PPP1R12A: variants seen among roughly 807,000 people sequenced by gnomAD.
The protein encoded by PPP1R12A is myosin binding subunit.
A neutral mutation model predicts 139.6 loss-of-function variants in PPP1R12A; 19 were observed. The observed-to-expected ratio is 0.14, with a 90% CI of 0.09 to 0.20. The LOEUF is 0.20. PPP1R12A is among the 10% of genes least tolerant of loss of function. PPP1R12A has a pLI of 1.00. For missense variants in PPP1R12A, 925 were observed against 1,211.5 expected (o/e 0.76, Z 3.51); for synonymous variants, 427 against 420.6 (o/e 1.02, Z -0.19).
intron 2 of PPP1R12A, among the ~76,000 whole-genome samples, chr12:79,846,680 C>T (rs1354415266): frequency 3.3e-5 from 5 of 151,164 alleles, no homozygotes; most frequent in African/African-American, 1.2e-4. Context: ...CCGCCTGCCT[C>T]GGCCTCCCAA....
chr12:79,806,473 A>C (rs1216158011), intron 12 of PPP1R12A, 140 bp from the exon 13 acceptor site: 1 of 711,900 alleles, frequency 1.4e-6, no homozygotes, highest in Non-Finnish European at 2.2e-6. Flanking sequence ...TCCAGCACCA[A>C]GAGTTGCATC....
chr12:79,847,113 T>C (rs1018181019), intron 2 of PPP1R12A, among the ~76,000 whole-genome samples: 3 of 152,174 alleles, frequency 2.0e-5, no homozygotes, highest in Non-Finnish European at 2.9e-5. Context: ...CCCCCAGAGA[T>C]AAACACTATC....
intron 2 of PPP1R12A, among the ~76,000 whole-genome samples, chr12:79,855,930 AAAAC>A (rs1417719318): frequency 7.2e-5 from 11 of 152,178 alleles, no homozygotes; most frequent in African/African-American, 2.2e-4. Context: ...AGTAAAAAAA[AAAAC>A]ACAGTAAGCA....
chr12:79,814,968 T>C (rs1875156138), intron 9 of PPP1R12A, among the ~76,000 whole-genome samples: 1 of 151,990 alleles, frequency 6.6e-6, no homozygotes. Context: ...TTTCTAAATA[T>C]GCAAATTTAG....
At chr12:79,837,491 A>C (rs988858513) in intron 3 of PPP1R12A, among the ~76,000 whole-genome samples, 1 of 152,178 alleles carries the variant, frequency 6.6e-6, no homozygotes, top group African/African-American at 2.4e-5. Context: ...AAAAATATTA[A>C]ACAATAATTT....
At chr12:79,829,085 G>A (rs1877116479) in intron 4 of PPP1R12A, among the ~76,000 whole-genome samples, 1 of 152,078 alleles carries the variant, frequency 6.6e-6, no homozygotes, top group Non-Finnish European at 1.5e-5. Flanking sequence ...TCATCAACAA[G>A]CTAAAACAGA....
chr12:79,793,105 C>A (rs182220307), intron 19 of PPP1R12A, among the ~76,000 whole-genome samples: 1 of 152,072 alleles, frequency 6.6e-6, no homozygotes, highest in Non-Finnish European at 1.5e-5. Context: ...ATTAATATGA[C>A]CAGAATGCTA....
At chr12:79,815,528 A>AC (rs1875254052) in intron 9 of PPP1R12A, among the ~76,000 whole-genome samples, 1 of 152,040 alleles carries the variant, frequency 6.6e-6, no homozygotes, top group Non-Finnish European at 1.5e-5. Flanking sequence ...CAAAAAGAAA[A>AC]AAAAAAAAAA....
chr12:79,903,826 G>A (rs912392045), intron 1 of PPP1R12A, among the ~76,000 whole-genome samples: 22 of 151,990 alleles, frequency 1.4e-4, no homozygotes, highest in Admixed American at 1.3e-3. Flanking sequence ...ATAAATAAAT[G>A]TAAAACCACA....
At chr12:79,861,904 GCAGA>G (rs1230738286) in intron 2 of PPP1R12A, among the ~76,000 whole-genome samples, 1 of 152,170 alleles carries the variant, frequency 6.6e-6, no homozygotes, top group East Asian at 1.9e-4. Flanking sequence ...ACAAAAGACA[GCAGA>G]CAGCTTCTCC....
chr12:79,930,925 A>G (rs1888206778), intron 1 of PPP1R12A, among the ~76,000 whole-genome samples: 1 of 152,214 alleles, frequency 6.6e-6, no homozygotes, highest in Admixed American at 6.5e-5. Flanking sequence ...TGAGTAAACA[A>G]TAACTAAAAT....
chr12:79,915,299 T>C (rs183517707), intron 1 of PPP1R12A, among the ~76,000 whole-genome samples: 29 of 152,182 alleles, frequency 1.9e-4, no homozygotes, highest in Admixed American at 1.8e-3. Flanking sequence ...GAAAAAGAAA[T>C]TGGAACACAG....
At chr12:79,902,277 T>C (rs941699078) in intron 1 of PPP1R12A, among the ~76,000 whole-genome samples, 1 of 152,124 alleles carries the variant, frequency 6.6e-6, no homozygotes, top group Non-Finnish European at 1.5e-5. Flanking sequence ...ACTAATAATA[T>C]CAGTACCGAT....
intron 19 of PPP1R12A, among the ~76,000 whole-genome samples, chr12:79,792,755 G>T: frequency 6.6e-6 from 1 of 152,086 alleles, no homozygotes; most frequent in Admixed American, 6.6e-5. Flanking sequence ...GGTGTCAGAT[G>T]GGGATGGTTT....
At chr12:79,860,076 G>C (rs1258533651) in intron 2 of PPP1R12A, among the ~76,000 whole-genome samples, 3 of 152,032 alleles carry the variant, frequency 2.0e-5, no homozygotes, top group Non-Finnish European at 4.4e-5. Flanking sequence ...GCTAATACAG[G>C]GCTAATTTCC....
At chr12:79,861,459 T>A (rs963937970) in intron 2 of PPP1R12A, among the ~76,000 whole-genome samples, 1 of 152,078 alleles carries the variant, frequency 6.6e-6, no homozygotes, top group Non-Finnish European at 1.5e-5. Flanking sequence ...TTGGGACTGG[T>A]TGGACAGTGG....
At chr12:79,789,147 G>C (rs550912835) in intron 20 of PPP1R12A, among the ~76,000 whole-genome samples, 4 of 151,954 alleles carry the variant, frequency 2.6e-5, no homozygotes, top group Non-Finnish European at 5.9e-5. Flanking sequence ...GCCCAGGCTG[G>C]TCTTGAACTC....
upstream of PPP1R12A, chr12:79,935,368 C>T: frequency 1.0e-6 from 1 of 999,614 alleles, no homozygotes; most frequent in South Asian, 4.4e-5. Context: ...AAGGAGGAAG[C>T]GGGGAAGGAA....
At chr12:79,823,806 G>A (rs1475421976) in intron 5 of PPP1R12A, 1 of 154,564 alleles carries the variant, frequency 6.5e-6, no homozygotes, top group Non-Finnish European at 1.4e-5. Flanking sequence ...ATGTTGCCCA[G>A]GCTGGTTTTG....
Sources: gnomAD v4.1 joint callset for allele counts (sites outside exome capture counted in the v4.1 genomes callset) on GRCh38, gnomAD v4.1.1 for gene constraint, MANE v1.5 for transcripts, NCBI Gene and HGNC (gene_info 2026-07-23, HGNC 2026-07-21) for gene names.